PAX2: variants seen among roughly 807,000 people sequenced by gnomAD.
PAX2 encodes the protein paired box protein Pax-2.
In PAX2, 9 loss-of-function variants were observed where a neutral mutation model predicts 41.7. The observed-to-expected ratio is 0.22, with a 90% CI of 0.13 to 0.38. The LOEUF is 0.38. PAX2 is among the 10% of genes least tolerant of loss of function. The pLI, the probability that PAX2 is intolerant of heterozygous loss-of-function variation, is 1.00. For missense variants in PAX2, 418 were observed against 531.6 expected (o/e 0.79, Z 2.10); for synonymous variants, 221 against 212.7 (o/e 1.04, Z -0.34).
chr10:100,827,038 C>T lies in PAX2; in HGVS notation c.1051C>T (p.His351Tyr). 1 of 1,613,642 alleles carries T rather than the reference C, an allele frequency of 6.2e-7. No individual in the cohort carries two copies. The highest frequency in any genetic ancestry group is 8.5e-7 in the Non-Finnish European group (1 of 1,179,578). ...CGAGTTCTCCGGCAACCCGTACAGCCACCCCCAGTACACGGCCTACAACGA... is the reference window on the plus strand; with the variant it reads ...CGAGTTCTCCGGCAACCCGTACAGCTACCCCCAGTACACGGCCTACAACGA... ...GSEFSGNPYS[H>Y]PQYTAYNEAW... Residue 351 changes from histidine (H) to tyrosine (Y), a missense_variant, in exon 9 of 10, where the codon CAC becomes TAC. His to Tyr is a moderately conservative substitution (Grantham distance 83, BLOSUM62 2). This residue lies in a region of PAX2 where 310 missense variants were observed against 325.2 expected (regional missense o/e 0.95). Transcript: ENST00000355243. This position sits in a 1 kb window ranked among gnomAD's most constrained non-coding sequence, Gnocchi z 8.5.
At chr10:100,809,416 G>T (rs1052716101) in intron 7 of PAX2, among the ~76,000 whole-genome samples, 180 bp downstream of exon 7, 1 of 152,196 alleles carries the variant, frequency 6.6e-6, no homozygotes, top group Non-Finnish European at 1.5e-5. Flanking sequence ...GAAAAAAACT[G>T]GGGTCAGGGC....
rs115007490 is a variant in PAX2 at position 100,771,541 on chromosome 10, T to G, written c.411-7957T>G. Among the ~76,000 whole-genome samples, 774 of 152,330 alleles carry G rather than the reference T, an allele frequency of 5.1e-3. 11 individuals carry two copies. The highest frequency in any genetic ancestry group is 0.018 in the African/African-American group (742 of 41,582). On this transcript the variant is annotated intron_variant, in intron 3 of 9. Coordinates refer to ENST00000355243, the MANE Select transcript of PAX2 (RefSeq NM_000278.5). ...GAGGAAGTAAATTTCAATTTTTCAGTTCCTGGGGTATACAAAGGGGGAGAC... is the reference window on the plus strand; with the variant it reads ...GAGGAAGTAAATTTCAATTTTTCAGGTCCTGGGGTATACAAAGGGGGAGAC...
chr10:100,758,234 G>A (rs374661312), intron 3 of PAX2, among the ~76,000 whole-genome samples: 24 of 150,892 alleles, frequency 1.6e-4, no homozygotes, highest in Admixed American at 4.0e-4. Context: ...TCCGCCTCCC[G>A]GGTTCACGCC....
Position 100,748,266 on chromosome 10 carries a change from A to T in PAX2, c.44-1480A>T. On this transcript the variant is annotated intron_variant, in intron 1 of 9. Transcript: ENST00000355243. This position sits in a 1 kb window ranked among gnomAD's most constrained non-coding sequence, Gnocchi z 5.0. ...CGCGAGTTCTCCCGGGGCCTAAATT[A>T]TTGATGGTCGGGGTTTGGAGGGAGG... 1.0e-6 allele frequency: 1 copy of T among 983,826 alleles called. No individual in the cohort carries two copies. Among genetic ancestry groups the T allele is most frequent in the African/African-American group, 1.8e-5 (1 of 56,808 alleles). The allele number at this position is 983,826 out of a possible 1,614,324, so 60.9% of individuals were successfully genotyped here.
chr10:100,765,858 G>A lies in PAX2; in HGVS notation c.411-13640G>A, dbSNP rs530965698. ...TGTACACTAGCACACATGTGTACAT[G>A]TTTATACACATACACAGGCCAATCT... On this transcript the variant is annotated intron_variant, in intron 3 of 9. Coordinates refer to ENST00000355243, the MANE Select transcript of PAX2 (RefSeq NM_000278.5). 1.1e-4 allele frequency among the ~76,000 whole-genome samples: 17 copies of A among 152,256 alleles called. No individual in the cohort carries two copies. The South Asian group carries it at 3.3e-3, about 30-fold the overall frequency.
chr10:100,756,279 T>A (rs1422786355), intron 3 of PAX2, among the ~76,000 whole-genome samples: 1 of 152,180 alleles, frequency 6.6e-6, no homozygotes, highest in East Asian at 1.9e-4. Context: ...AGAGCCCCAT[T>A]GTCCGCTCCC....
chr10:100,827,807 G>T lies in PAX2; in HGVS notation c.*188G>T. On this transcript the variant is annotated 3_prime_UTR_variant, in exon 10 of 10. Coordinates refer to ENST00000355243, the MANE Select transcript of PAX2 (RefSeq NM_000278.5). This position sits in a 1 kb window ranked among gnomAD's most constrained non-coding sequence, Gnocchi z 8.5. ...CCCCCCTCGAAGGTCGGACAGGACG[G>T]GTGGAGCCGTGGGCGGGACCCTCAG... 1 of 855,120 alleles carries T rather than the reference G, an allele frequency of 1.2e-6. No homozygotes were observed. The allele number at this position is 855,120 out of a possible 1,614,324, so 53.0% of individuals were successfully genotyped here.
At chr10:100,799,747 G>A (rs1398071490) in intron 5 of PAX2, among the ~76,000 whole-genome samples, 4 of 150,480 alleles carry the variant, frequency 2.7e-5, no homozygotes, top group Admixed American at 6.6e-5. Flanking sequence ...TAGACAGATA[G>A]ATGTTTGTAT....
At chr10:100,781,455 C>G in intron 5 of PAX2, 90 bp downstream of exon 5, 12 of 1,353,950 alleles carry the variant, frequency 8.9e-6, no homozygotes, top group Non-Finnish European at 1.3e-5. Context: ...CGCAGCTGCT[C>G]TGCTGTGAGA....
chr10:100,776,132 G>C (rs1846378571), intron 3 of PAX2, among the ~76,000 whole-genome samples: 1 of 152,120 alleles, frequency 6.6e-6, no homozygotes, highest in Non-Finnish European at 1.5e-5. Flanking sequence ...TCCTACCCAA[G>C]AAGGCCTTCC....
At chr10:100,772,514 A>G (rs1846250158) in intron 3 of PAX2, among the ~76,000 whole-genome samples, 1 of 152,218 alleles carries the variant, frequency 6.6e-6, no homozygotes, top group Non-Finnish European at 1.5e-5. Flanking sequence ...GTCTGAGACC[A>G]CTGGCAGAGG....
chr10:100,803,524 C>G (rs1157382075), intron 5 of PAX2, among the ~76,000 whole-genome samples: 1 of 152,062 alleles, frequency 6.6e-6, no homozygotes, highest in Non-Finnish European at 1.5e-5. Context: ...GGCTGTCCCC[C>G]ACCAGTAATG....
chr10:100,810,063 A>G (rs374301243), intron 7 of PAX2, among the ~76,000 whole-genome samples: 3 of 152,158 alleles, frequency 2.0e-5, no homozygotes, highest in Non-Finnish European at 4.4e-5. Context: ...TGGAGACACT[A>G]AAGCCAATGT....
chr10:100,808,994 C>T, intron 6 of PAX2, 116 bp from the exon 7 acceptor site: 3 of 952,614 alleles, frequency 3.1e-6, no homozygotes, highest in South Asian at 2.6e-5. Context: ...TCTGCCCCAC[C>T]ATCTCTTTCT....
intron 3 of PAX2, among the ~76,000 whole-genome samples, chr10:100,751,332 A>G (rs1165906370): frequency 6.6e-6 from 1 of 151,792 alleles, no homozygotes; most frequent in Non-Finnish European, 1.5e-5. Flanking sequence ...CTCCCTGCCA[A>G]CTCCCACAAA....
Position 100,829,560 on chromosome 10 carries a change from G to T in PAX2, c.*1941G>T. The T allele has an allele frequency of 4.8e-6, 1 of 208,232 alleles. No homozygotes were observed. The highest frequency in any genetic ancestry group is 9.9e-6 in the Non-Finnish European group (1 of 101,484). 12.9% of individuals were successfully genotyped at this position (208,232 alleles called of 1,614,324 possible). A position where few individuals can be genotyped will look rare whatever the true frequency, so the allele number is the denominator to read the frequency against. On this transcript the variant is annotated 3_prime_UTR_variant, in exon 10 of 10. Transcript: ENST00000355243. Reference sequence around the variant, plus strand: ...ATAACAGAAACAAAGTCAATAAAGTGAAAATAAATAAAAATCCTTGAACAA... The same window carrying T: ...ATAACAGAAACAAAGTCAATAAAGTTAAAATAAATAAAAATCCTTGAACAA...
Position 100,739,111 on chromosome 10 carries a change from C to T in PAX2, c.25+3378C>T, listed in dbSNP as rs200064836. ...CTAGCCCCGACCCGAGGCCCCAAGA[C>T]GGCGGGCCAGGAACCCCTGGGACGT... On this transcript the variant is annotated intron_variant, in intron 1 of 9. Transcript: ENST00000679374. Among the ~76,000 whole-genome samples, 85 of 152,156 alleles carry T rather than the reference C, an allele frequency of 5.6e-4. 1 individual carries two copies. In the East Asian group the frequency reaches 0.016, roughly 29 times the overall value.
At chr10:100,813,142 G>C (rs560928224) in intron 7 of PAX2, among the ~76,000 whole-genome samples, 61 of 152,374 alleles carry the variant, frequency 4.0e-4, no homozygotes, top group African/African-American at 1.4e-3. Context: ...GGATTGGACA[G>C]GCTCGCTCTA....
At position 100,824,961 on chromosome 10, in the gene PAX2, G is replaced by A. The variant is rs1344216865; in HGVS notation, c.1021+212G>A. On this transcript the variant is annotated intron_variant, in intron 8 of 9. Coordinates refer to ENST00000355243, the MANE Select transcript of PAX2 (RefSeq NM_000278.5). This position sits in a 1 kb window ranked among gnomAD's most constrained non-coding sequence, Gnocchi z 6.6. ...CAAGCCGGGGAGGAAGCTTGCAGAA[G>A]TGCCCCCTTGTGTGCAACCCACTGT... 2.5e-6 allele frequency: 4 copies of A among 1,613,962 alleles called. No homozygotes were observed. Among genetic ancestry groups the A allele is most frequent in the East Asian group, 2.2e-5 (1 of 44,886 alleles).
Sources: allele counts gnomAD v4.1 joint callset (sites outside exome capture counted in the v4.1 genomes callset), GRCh38; gene constraint gnomAD v4.1.1; regional missense constraint gnomAD v4.1.1; non-coding constraint Gnocchi (gnomAD v3.1); transcripts MANE v1.5; gene names NCBI Gene and HGNC (gene_info 2026-07-23, HGNC 2026-07-21).